The following COL9A2 variants were observed in gnomAD, a reference collection of about 807,000 sequenced individuals.
COL9A2 encodes collagen type IX alpha 2 chain.
COL9A2 carries 66 observed loss-of-function variants against 111.6 expected under a neutral mutation model. The observed-to-expected ratio is 0.59, with a 90% CI of 0.48 to 0.73. COL9A2 has a LOEUF of 0.73. COL9A2 is among the 30% of genes least tolerant of loss of function. COL9A2 has a pLI of 0.00. For missense variants in COL9A2, 881 were observed against 954.1 expected (o/e 0.92, Z 1.01); for synonymous variants, 353 against 364.1 (o/e 0.97, Z 0.35).
chr1:40,315,725 G>A, intron 1 of COL9A2, 61 bp from the exon 2 acceptor site: 1 of 1,296,256 alleles, frequency 7.7e-7, no homozygotes, highest in Non-Finnish European at 1.1e-6. Context: ...GGCGTCCCCG[G>A]GGCTGCAAGC....
chr1:40,302,549 G>T lies in COL9A2; in HGVS notation c.1792+72C>A. 1 of 1,498,666 alleles carries T rather than the reference G, an allele frequency of 6.7e-7. No homozygotes were observed. Among genetic ancestry groups the T allele is most frequent in the Non-Finnish European group, 9.0e-7 (1 of 1,108,398 alleles). The allele number at this position is 1,498,666 out of a possible 1,614,324, so 92.8% of individuals were successfully genotyped here. The stretch of plus-strand genomic sequence containing the variant: ...GGGTCTGTATGTCATCCTGAGAAGG[G>T]AATGGGGAAAGGGCCGGCCTGGACA... On this transcript the variant is annotated intron_variant, in intron 30 of 31. Transcript: ENST00000372748. This position sits in a 1 kb window ranked among gnomAD's most constrained non-coding sequence, Gnocchi z 4.5.
Position 40,307,792 on chromosome 1 carries a change from G to A in COL9A2, c.901-36C>T. 1.9e-6 allele frequency: 3 copies of A among 1,610,646 alleles called. No homozygotes were observed. The highest frequency in any genetic ancestry group is 2.5e-6 in the Non-Finnish European group (3 of 1,176,998). Reference sequence around the variant, plus strand: ...GGAAAGTTCAAGGGAGAGTGATAATGCGGAGATGTCTGGGGTCTGGCCACC... The same window carrying A: ...GGAAAGTTCAAGGGAGAGTGATAATACGGAGATGTCTGGGGTCTGGCCACC... On this transcript the variant is annotated intron_variant, in intron 17 of 31. Coordinates refer to ENST00000372748, the MANE Select transcript of COL9A2 (RefSeq NM_001852.4). This position sits in a 1 kb window ranked among gnomAD's most constrained non-coding sequence, Gnocchi z 4.8.
intron 31 of COL9A2, 107 bp from the exon 32 acceptor site, chr1:40,301,488 T>C (rs1643914239): frequency 1.8e-5 from 17 of 928,080 alleles, no homozygotes; most frequent in Admixed American, 5.6e-5. Context: ...CAAAACACCA[T>C]AGGAGAAAGG....
chr1:40,301,789 G>T, intron 31 of COL9A2, 23 bp downstream of exon 31: 1 of 1,610,986 alleles, frequency 6.2e-7, no homozygotes, highest in Non-Finnish European at 8.5e-7. Flanking sequence ...ACACACTGCA[G>T]CTGGGCAGGG....
Position 40,301,822 on chromosome 1 carries a change from T to G in COL9A2, c.1860A>C (p.Pro620=). 1 of 1,613,992 alleles carries G rather than the reference T, an allele frequency of 6.2e-7. No homozygotes were observed. Among genetic ancestry groups the G allele is most frequent in the East Asian group, 2.2e-5 (1 of 44,876 alleles). ...GRGHPGMPGP[P]GIPGLPGRPG... is the part of the protein sequence containing the mutation. Reference sequence around the variant, plus strand: ...GGGCCAATGGCTTACCTGGGATCCCTGGGGGCCCAGGCATCCCGGGGTGCC... The same window carrying G: ...GGGCCAATGGCTTACCTGGGATCCCGGGGGGCCCAGGCATCCCGGGGTGCC... Residue 620 remains proline (P), a synonymous_variant, in exon 31 of 32, where the codon CCA becomes CCC. Transcript: ENST00000372748.
chr1:40,312,622 C>T lies in COL9A2; in HGVS notation c.304-13G>A, dbSNP rs200032742. 1.9e-4 allele frequency: 305 copies of T among 1,613,860 alleles called. 1 individual carries two copies. In the East Asian group the frequency reaches 5.9e-3, roughly 31 times the overall value. ...GCCCGGGCTGGCCCTGCAGAAGCAA[C>T]GAGAAAGGCTCAGAGGCTGGGGTTT... On this transcript the variant is annotated splice_polypyrimidine_tract_variant and intron_variant, in intron 5 of 31. Coordinates refer to ENST00000372748, the MANE Select transcript of COL9A2 (RefSeq NM_001852.4). This position sits in a 1 kb window ranked among gnomAD's most constrained non-coding sequence, Gnocchi z 6.0.
At chr1:40,308,157 C>G in intron 17 of COL9A2, 35 bp downstream of exon 17, 2 of 1,609,094 alleles carry the variant, frequency 1.2e-6, no homozygotes, top group Non-Finnish European at 1.7e-6. Context: ...GGGCCCTGGC[C>G]TCTGTCCTGG....
intron 21 of COL9A2, among the ~76,000 whole-genome samples, chr1:40,305,329 A>C (rs1644010135): frequency 6.6e-6 from 1 of 152,172 alleles, no homozygotes; most frequent in Non-Finnish European, 1.5e-5. Context: ...TGCTGGGATT[A>C]CAGGCGTGAG....
At position 40,310,080 on chromosome 1, in the gene COL9A2, C is replaced by T. The variant is rs746366318; in HGVS notation, c.792+31G>A. 2 of 1,613,976 alleles carry T rather than the reference C, an allele frequency of 1.2e-6. No individual in the cohort carries two copies. Among genetic ancestry groups the T allele is most frequent in the East Asian group, 2.2e-5 (1 of 44,880 alleles). ...TGGCTGTAGCTGTAGGAGCTCCAGC[C>T]TCAGGGGTAGGGGAGCAAAAAGAGG... On this transcript the variant is annotated intron_variant, in intron 15 of 31. Coordinates refer to ENST00000372748, the MANE Select transcript of COL9A2 (RefSeq NM_001852.4). The surrounding 1 kb of genome is among the most constrained non-coding windows in gnomAD (Gnocchi z 4.9).
chr1:40,304,375 T>C lies in COL9A2; in HGVS notation c.1232A>G (p.Gln411Arg), dbSNP rs558295752. ...PQGRQGPKGE[Q>R]GPPGIPGPQG... The stretch of plus-strand genomic sequence containing the variant: ...GGGCCCTGGAATTCCGGGGGGGCCC[T>C]GCTCCCCCTTAGGGCCCTGAGGAGA... Residue 411 changes from glutamine (Q) to arginine (R), a missense_variant, in exon 24 of 32, where the codon CAG (glutamine) becomes CGG (arginine). Transcript: ENST00000372748. The C allele has an allele frequency of 6.3e-7, 1 of 1,591,706 alleles. No individual in the cohort carries two copies. Among genetic ancestry groups the C allele is most frequent in the Non-Finnish European group, 8.6e-7 (1 of 1,168,530 alleles).
In COL9A2 at chr1:40,311,922, G is replaced by T; in HGVS notation, c.417+137C>A. On this transcript the variant is annotated intron_variant, in intron 8 of 31. Coordinates refer to ENST00000372748, the MANE Select transcript of COL9A2 (RefSeq NM_001852.4). The surrounding 1 kb of genome is among the most constrained non-coding windows in gnomAD (Gnocchi z 5.1). ...GACCTAGTGCCGGGTGGGCTCATAG[G>T]AGGGGTTTCTGCCCCAGACCTGGAG... is the stretch of plus-strand genomic sequence containing the variant. 1 of 1,073,552 alleles carries T rather than the reference G, an allele frequency of 9.3e-7. No individual in the cohort carries two copies. Among genetic ancestry groups the T allele is most frequent in the Non-Finnish European group, 1.4e-6 (1 of 712,542 alleles). The allele number at this position is 1,073,552 out of a possible 1,614,324, so 66.5% of individuals were successfully genotyped here.
At position 40,317,154 on chromosome 1, in the gene COL9A2, A is replaced by G. The variant is rs1644232188; in HGVS notation, c.44T>C (p.Leu15Pro). 1 of 1,588,272 alleles carries G rather than the reference A, an allele frequency of 6.3e-7. No homozygotes were observed. Among genetic ancestry groups the G allele is most frequent in the Admixed American group, 1.8e-5 (1 of 56,626 alleles). The change falls in exon 1 of 32, where the codon CTC becomes CCC. Residue 15 changes from leucine (L) to proline (P), a missense_variant. Transcript: ENST00000372748. This position sits in a 1 kb window ranked among gnomAD's most constrained non-coding sequence, Gnocchi z 4.3. ...CGCCAGAGCGAGCACTACCACCTGGAGGAGAACAAGGAGGCTGCGGGGGGA... is the reference window on the plus strand; with the variant it reads ...CGCCAGAGCGAGCACTACCACCTGGGGGAGAACAAGGAGGCTGCGGGGGGA... ...TASPRSLLVL[L>P]QVVVLALAQI...
In COL9A2 at chr1:40,300,885, T is replaced by C; in HGVS notation, c.*297A>G. ...CAGTGGAGAAAGGTGCAGATTAAGA[T>C]GTTTGTTTTGGTAACAGCCGAATGA... is the stretch of plus-strand genomic sequence containing the variant. On this transcript the variant is annotated 3_prime_UTR_variant, in exon 32 of 32. Transcript: ENST00000372748. This position sits in a 1 kb window ranked among gnomAD's most constrained non-coding sequence, Gnocchi z 4.4. 1 of 393,074 alleles carries C rather than the reference T, an allele frequency of 2.5e-6. No homozygotes were observed. The allele number at this position is 393,074 out of a possible 1,614,324, so 24.3% of individuals were successfully genotyped here. A position where few individuals can be genotyped will look rare whatever the true frequency, so the allele number is the denominator to read the frequency against.
At chr1:40,309,722 TAC>T (rs1229047900) in intron 16 of COL9A2, among the ~76,000 whole-genome samples, 2 of 151,264 alleles carry the variant, frequency 1.3e-5, no homozygotes, top group African/African-American at 4.9e-5. Flanking sequence ...ATACACATAC[TAC>T]ACACACTCAC....
Position 40,307,860 on chromosome 1 carries a change from G to A in COL9A2, c.901-104C>T. 1 of 1,271,498 alleles carries A rather than the reference G, an allele frequency of 7.9e-7. No homozygotes were observed. The highest frequency in any genetic ancestry group is 1.9e-5 in the Admixed American group (1 of 52,744). 78.8% of individuals were successfully genotyped at this position (1,271,498 alleles called of 1,614,324 possible). A position where few individuals can be genotyped will look rare whatever the true frequency, so the allele number is the denominator to read the frequency against. The stretch of plus-strand genomic sequence containing the variant: ...GACAGCTGCAGTGTGCAGGGAGGGA[G>A]TGGCTCTGGTCATCCCAGGAAGCCC... On this transcript the variant is annotated intron_variant, in intron 17 of 31. Coordinates refer to ENST00000372748, the MANE Select transcript of COL9A2 (RefSeq NM_001852.4). This position sits in a 1 kb window ranked among gnomAD's most constrained non-coding sequence, Gnocchi z 4.8.
In COL9A2 at chr1:40,315,216, T is replaced by C. The variant is rs551329561; in HGVS notation, c.150+374A>G. 2.7e-4 allele frequency: 279 copies of C among 1,048,990 alleles called. 1 individual carries two copies. The African/African-American group carries it at 4.2e-3, about 16-fold the overall frequency. The allele number at this position is 1,048,990 out of a possible 1,614,324, so 65.0% of individuals were successfully genotyped here. On this transcript the variant is annotated intron_variant, in intron 2 of 31. Transcript: ENST00000372748. Reference sequence around the variant, plus strand: ...GTCTGGCCCAAGCTGGTCGGTGGTCTGGCCAAGGCTCCCAAGCGAACCTGA... The same window carrying C: ...GTCTGGCCCAAGCTGGTCGGTGGTCCGGCCAAGGCTCCCAAGCGAACCTGA...
chr1:40,301,018 C>T lies in COL9A2; in HGVS notation c.*164G>A, dbSNP rs1643906381. On this transcript the variant is annotated 3_prime_UTR_variant, in exon 32 of 32. Transcript: ENST00000372748. ...TTTCACCCATCAGTGCTCTACCTCC[C>T]CTTCCCCCATGTTTTAGAATTCCTT... 1 of 718,108 alleles carries T rather than the reference C, an allele frequency of 1.4e-6. No individual in the cohort carries two copies. Among genetic ancestry groups the T allele is most frequent in the Admixed American group, 2.5e-5 (1 of 40,422 alleles). 44.5% of individuals were successfully genotyped at this position (718,108 alleles called of 1,614,324 possible).
rs1643946827 is a variant in COL9A2, at chr1:40,303,396, G to A, written c.1548+134C>T. 3.7e-6 allele frequency: 5 copies of A among 1,348,354 alleles called. No homozygotes were observed. The highest frequency in any genetic ancestry group is 1.5e-5 in the African/African-American group (1 of 68,852). The allele number at this position is 1,348,354 out of a possible 1,614,324, so 83.5% of individuals were successfully genotyped here. ...CTCAGGCTGCACTCACAGCCTTCCTGTCTGCTCTGGGGCTTGGAACCAGTC... is the reference window on the plus strand; with the variant it reads ...CTCAGGCTGCACTCACAGCCTTCCTATCTGCTCTGGGGCTTGGAACCAGTC... On this transcript the variant is annotated intron_variant, in intron 28 of 31. Coordinates refer to ENST00000372748, the MANE Select transcript of COL9A2 (RefSeq NM_001852.4). This position sits in a 1 kb window ranked among gnomAD's most constrained non-coding sequence, Gnocchi z 4.6.
rs1644054283 is a variant in COL9A2 at position 40,307,801 on chromosome 1, T to G, written c.901-45A>C. 20 of 1,601,840 alleles carry G rather than the reference T, an allele frequency of 1.2e-5. No individual in the cohort carries two copies. The highest frequency in any genetic ancestry group is 1.7e-5 in the Non-Finnish European group (20 of 1,169,472). On this transcript the variant is annotated intron_variant, in intron 17 of 31. Transcript: ENST00000372748. This position sits in a 1 kb window ranked among gnomAD's most constrained non-coding sequence, Gnocchi z 4.8. ...AAGGGAGAGTGATAATGCGGAGATGTCTGGGGTCTGGCCACCCACCCCTGT... is the reference window on the plus strand; with the variant it reads ...AAGGGAGAGTGATAATGCGGAGATGGCTGGGGTCTGGCCACCCACCCCTGT...
Sources: allele counts gnomAD v4.1 joint callset (sites outside exome capture counted in the v4.1 genomes callset), GRCh38; gene constraint gnomAD v4.1.1; non-coding constraint Gnocchi (gnomAD v3.1); transcripts MANE v1.5; gene names NCBI Gene and HGNC (gene_info 2026-07-23, HGNC 2026-07-21).